DSE: variants seen among roughly 807,000 people sequenced by gnomAD.
DSE encodes the protein dermatan-sulfate epimerase.
DSE carries 36 observed loss-of-function variants against 84.4 expected under a neutral mutation model. The ratio of observed to expected loss-of-function variants is 0.43; its 90% confidence interval spans 0.33 to 0.56. The LOEUF is 0.56. Among genes scored for constraint, DSE ranks in the 20% least tolerant of loss-of-function variants. The pLI is 0.06. For missense variants in DSE, 862 were observed against 1,169.6 expected, an observed-to-expected ratio of 0.74 and a Z score of 3.84; for synonymous variants, 410 against 430.1, an observed-to-expected ratio of 0.95 and a Z score of 0.58.
At chr6:116,260,506 T>G (rs1772365359) in intron 2 of DSE, among the ~76,000 whole-genome samples, 1 of 152,234 alleles carries the variant, frequency 6.6e-6, no homozygotes, top group South Asian at 2.1e-4. Context: ...ATTTGTCAAT[T>G]TTTGCTTTTG....
intron 2 of DSE, among the ~76,000 whole-genome samples, chr6:116,361,753 A>G (rs1174180093): frequency 6.6e-6 from 1 of 152,200 alleles, no homozygotes; most frequent in Non-Finnish European, 1.5e-5. Context: ...TTAACCATCA[A>G]ATAAATCCTT....
At chr6:116,413,597 TACTGC>T (rs1178816015) in intron 2 of DSE, among the ~76,000 whole-genome samples, 1 of 152,226 alleles carries the variant, frequency 6.6e-6, no homozygotes, top group Admixed American at 6.5e-5. Flanking sequence ...CATTATTTCC[TACTGC>T]ACCCAGAGTA....
At chr6:116,282,277 C>T (rs1562201440) in intron 2 of DSE, among the ~76,000 whole-genome samples, 1 of 152,140 alleles carries the variant, frequency 6.6e-6, no homozygotes, top group Non-Finnish European at 1.5e-5. Context: ...TTCTAATTGC[C>T]ATGAAATCAT....
intron 2 of DSE, among the ~76,000 whole-genome samples, chr6:116,321,698 C>T (rs1233222726): frequency 2.0e-5 from 3 of 152,160 alleles, no homozygotes; most frequent in East Asian, 1.9e-4. Context: ...CGATTGAACC[C>T]GGGAGGTGGA....
At chr6:116,261,876 C>A (rs1772429639) in intron 2 of DSE, among the ~76,000 whole-genome samples, 1 of 152,118 alleles carries the variant, frequency 6.6e-6, no homozygotes, top group Non-Finnish European at 1.5e-5. Context: ...GTCTTTAGTT[C>A]TGTTTATGTG....
intron 1 of DSE, among the ~76,000 whole-genome samples, chr6:116,379,722 C>T (rs976344522): frequency 6.6e-6 from 1 of 152,130 alleles, no homozygotes; most frequent in Non-Finnish European, 1.5e-5. Context: ...AATTTTTAGA[C>T]TTCATGTGGC....
In DSE at chr6:116,399,255, G is replaced by A. The variant is rs1367654249; in HGVS notation, c.5G>A (p.Arg2Lys). 19 of 1,613,742 alleles carry A rather than the reference G, an allele frequency of 1.2e-5. No individual in the cohort carries two copies. Among genetic ancestry groups the A allele is most frequent in the East Asian group, 4.5e-5 (2 of 44,880 alleles). ...ATTTGGAGATCTGATGCCACGATGA[G>A]GACTCACACACGGGGGGCTCCCAGT... M[R>K]THTRGAPSVF... Residue 2 changes from arginine (R) to lysine (K), a missense_variant, in exon 2 of 6, where the codon AGG becomes AAG. Arg to Lys is a conservative substitution (Grantham distance 26). This residue lies in a region of DSE where 52 missense variants were observed against 49.6 expected (regional missense o/e 1.05). Coordinates refer to ENST00000644252, the MANE Select transcript of DSE (RefSeq NM_013352.4).
At chr6:116,399,150 A>C (rs1781429948) in intron 1 of DSE, 48 bp from the exon 2 acceptor site, 1 of 1,509,152 alleles carries the variant, frequency 6.6e-7, no homozygotes, top group Non-Finnish European at 9.0e-7. Flanking sequence ...CACCTGTGCC[A>C]TGTTCCCTTG....
intron 2 of DSE, chr6:116,280,126 G>A (rs2114638916): frequency 8.5e-6 from 4 of 471,544 alleles, no homozygotes; most frequent in Non-Finnish European, 1.6e-5. Context: ...AAGCGCGGAC[G>A]ACCCACCTTG....
intron 2 of DSE, chr6:116,280,083 T>TAGCAACAGCA: frequency 1.7e-6 from 1 of 589,902 alleles, no homozygotes; most frequent in South Asian, 1.9e-5. Context: ...TAATTTTACC[T>TAGCAACAGCA]ACGTAAATAA....
intron 2 of DSE, among the ~76,000 whole-genome samples, chr6:116,293,675 C>T (rs1582958529): frequency 6.6e-6 from 1 of 152,160 alleles, no homozygotes; most frequent in East Asian, 1.9e-4. Context: ...ACAAAGGCAA[C>T]AAGATTGCTT....
intron 2 of DSE, among the ~76,000 whole-genome samples, chr6:116,347,276 G>C (rs1778033919): frequency 6.6e-6 from 1 of 152,046 alleles, no homozygotes; most frequent in Non-Finnish European, 1.5e-5. Flanking sequence ...CTCCTCTAAA[G>C]TTCATATGGA....
rs1451387956 is a variant in DSE at position 116,439,037 on chromosome 6, T to TGCATGGATG, written c.*1693_*1701dup. ...AAAAGAATAATGCTTCCGTTTGTCC[T>TGCATGGATG]GCATGGATGCTCTTACTAGGATTTA... On this transcript the variant is annotated 3_prime_UTR_variant, in exon 6 of 6. Coordinates refer to ENST00000644252, the MANE Select transcript of DSE (RefSeq NM_013352.4). The TGCATGGATG allele has an allele frequency of 3.3e-5, 5 of 152,220 alleles. No individual in the cohort carries two copies. The highest frequency in any genetic ancestry group is 6.5e-5 in the Admixed American group (1 of 15,272). 9.4% of individuals were successfully genotyped at this position (152,220 alleles called of 1,614,324 possible).
intron 1 of DSE, among the ~76,000 whole-genome samples, chr6:116,379,066 A>G (rs1481306840): frequency 6.6e-6 from 1 of 152,142 alleles, no homozygotes; most frequent in Non-Finnish European, 1.5e-5. Flanking sequence ...AGAAGATGCA[A>G]TCTCCAGCAG....
chr6:116,316,757 A>G lies in DSE; in HGVS notation c.-54+57790A>G, dbSNP rs566241192. ...ATTACAGAAAGGAAGATATTTAACA[A>G]ATGCCTTGGAAATTGATTAAGCTTC... On this transcript the variant is annotated intron_variant, in intron 2 of 3. Coordinates refer to the DSE transcript ENST00000430252. 3.9e-5 allele frequency among the ~76,000 whole-genome samples: 6 copies of G among 151,924 alleles called. No individual in the cohort carries two copies. In the East Asian group the frequency reaches 1.2e-3, roughly 29 times the overall value.
chr6:116,326,119 G>C (rs1268691539), intron 2 of DSE, among the ~76,000 whole-genome samples: 1 of 152,150 alleles, frequency 6.6e-6, no homozygotes, highest in Non-Finnish European at 1.5e-5. Flanking sequence ...CTGTCTGCTT[G>C]TGGATTTCAT....
chr6:116,279,888 G>A, intron 2 of DSE: 1 of 1,611,338 alleles, frequency 6.2e-7, no homozygotes, highest in South Asian at 1.1e-5. Flanking sequence ...AGGCCGAACT[G>A]GGAGCTAACC....
intron 2 of DSE, among the ~76,000 whole-genome samples, chr6:116,259,654 C>A (rs11153602): frequency 0.24 from 36,536 of 152,098 alleles, 5,575 homozygotes; most frequent in East Asian, 0.63. Context: ...CCTCTCCCAA[C>A]CCTCCATCCT....
chr6:116,377,399 A>G (rs1046890325), intron 1 of DSE, among the ~76,000 whole-genome samples: 4 of 152,208 alleles, frequency 2.6e-5, no homozygotes, highest in African/African-American at 7.2e-5. Flanking sequence ...GTTGCTGTCA[A>G]ATGGCTGTTG....
Sources: allele counts gnomAD v4.1 joint callset (sites outside exome capture counted in the v4.1 genomes callset), GRCh38; gene constraint gnomAD v4.1.1; regional missense constraint gnomAD v4.1.1; transcripts MANE v1.5; gene names NCBI Gene and HGNC (gene_info 2026-07-23, HGNC 2026-07-21).